SYN3: variants seen among roughly 807,000 people sequenced by gnomAD.
SYN3 encodes the protein synapsin-3.
Under a neutral mutation model 65.8 loss-of-function variants are expected in SYN3, and 35 were observed. The observed-to-expected ratio is 0.53, with a 90% confidence interval of 0.41 to 0.70. SYN3 has a LOEUF of 0.70. Among genes scored for constraint, SYN3 ranks in the 30% least tolerant of loss-of-function variants. The probability of loss-of-function intolerance (pLI) is 0.00; values close to 1 mark genes in which losing one functional copy is unlikely to be tolerated. For missense variants in SYN3, 680 were observed against 749.0 expected, an observed-to-expected ratio of 0.91 and a Z score of 1.08; for synonymous variants, 270 against 292.9, an observed-to-expected ratio of 0.92 and a Z score of 0.80.
chr22:32,980,196 G>T (rs1274464373), intron 3 of SYN3, among the ~76,000 whole-genome samples: 1 of 152,124 alleles, frequency 6.6e-6, no homozygotes, highest in African/African-American at 2.4e-5. Context: ...GGAAATCAAG[G>T]CAGAGAGAGA....
At chr22:32,603,520 T>C (rs1601736188) in intron 6 of SYN3, among the ~76,000 whole-genome samples, 1 of 131,614 alleles carries the variant, frequency 7.6e-6, no homozygotes, top group Admixed American at 7.7e-5. Flanking sequence ...ACTCCGAGAC[T>C]CCGTCTCAAA....
intron 12 of SYN3, chr22:32,527,603 GA>G (rs130455): frequency 0.36 from 62,589 of 174,594 alleles, 8,358 homozygotes; most frequent in African/African-American, 0.52. Context: ...TGTCTCAAAA[GA>G]AAAAAAAAAA....
intron 1 of SYN3, among the ~76,000 whole-genome samples, chr22:33,028,352 C>G (rs1031913588): frequency 6.6e-6 from 1 of 152,232 alleles, no homozygotes; most frequent in African/African-American, 2.4e-5. Context: ...CCGAAGCCAT[C>G]TGTGGGGAAT....
chr22:32,834,548 G>A (rs975960048), intron 6 of SYN3, among the ~76,000 whole-genome samples: 1 of 152,210 alleles, frequency 6.6e-6, no homozygotes, highest in East Asian at 1.9e-4. Flanking sequence ...GCAAAACCCT[G>A]CCAGCTTTCA....
chr22:32,685,431 T>C (rs2060577077), intron 6 of SYN3, among the ~76,000 whole-genome samples: 1 of 152,204 alleles, frequency 6.6e-6, no homozygotes, highest in Admixed American at 6.5e-5. Context: ...GAACCGCATA[T>C]ACAACAGTGG....
At chr22:32,578,032 G>A (rs1294449270) in intron 7 of SYN3, among the ~76,000 whole-genome samples, 1 of 152,218 alleles carries the variant, frequency 6.6e-6, no homozygotes, top group Non-Finnish European at 1.5e-5. Context: ...ACTTGATTGT[G>A]TTTGATATTG....
At chr22:32,597,892 C>T (rs2059224897) in intron 6 of SYN3, among the ~76,000 whole-genome samples, 1 of 152,210 alleles carries the variant, frequency 6.6e-6, no homozygotes, top group Non-Finnish European at 1.5e-5. Context: ...AGACTGTATA[C>T]TTCCCCACAC....
rs1018309767 is a variant in SYN3 at position 33,028,807 on chromosome 22, A to G, written c.-162-21983T>C. ...TGTAATCCCAGCACTTTGGGAGGCC[A>G]AGGCGGGTGGATCACGAGGTCAGGA... On this transcript the variant is annotated intron_variant, in intron 1 of 13. Coordinates refer to ENST00000358763, the MANE Select transcript of SYN3 (RefSeq NM_003490.4). 2.0e-4 allele frequency among the ~76,000 whole-genome samples: 31 copies of G among 152,128 alleles called. 1 individual carries two copies. The highest frequency in any genetic ancestry group is 7.5e-4 in the African/African-American group (31 of 41,524).
rs1569124540 is a variant in SYN3, at chr22:32,650,231, CT to C, written c.712-53496del. On this transcript the variant is annotated intron_variant, in intron 6 of 13. Transcript: ENST00000358763. ...CACTTTTCTTTCTCTCTCTCTCTCT[CT>C]CCCTCCCTCCCTCCCTCCCTCCCTC... Among the ~76,000 whole-genome samples the C allele has an allele frequency of 1.1e-4, 9 of 81,754 alleles. 1 individual carries two copies. The highest frequency in any genetic ancestry group is 4.2e-4 in the South Asian group (1 of 2,384). 53.6% of individuals were successfully genotyped at this position (81,754 alleles called of 152,430 possible).
chr22:32,684,823 A>G (rs1359709058), intron 6 of SYN3, among the ~76,000 whole-genome samples: 1 of 152,210 alleles, frequency 6.6e-6, no homozygotes, highest in Non-Finnish European at 1.5e-5. Context: ...AATTACTAGC[A>G]GTGTGACCGT....
intron 6 of SYN3, among the ~76,000 whole-genome samples, chr22:32,608,234 A>AT (rs953344921): frequency 4.6e-5 from 7 of 151,866 alleles, no homozygotes; most frequent in African/African-American, 1.2e-4. Flanking sequence ...CGCCCAGCTA[A>AT]TTTTTTTGTA....
At chr22:32,903,744 C>A (rs1269526061) in intron 4 of SYN3, among the ~76,000 whole-genome samples, 1 of 152,246 alleles carries the variant, frequency 6.6e-6, no homozygotes, top group East Asian at 1.9e-4. Flanking sequence ...TAAAACCCTT[C>A]CTGTGTTCCA....
At chr22:32,808,212 A>T (rs1460864990) in intron 6 of SYN3, among the ~76,000 whole-genome samples, 4 of 152,136 alleles carry the variant, frequency 2.6e-5, no homozygotes, top group African/African-American at 9.7e-5. Context: ...ACTTACATGG[A>T]CTCAGGTTCA....
intron 3 of SYN3, among the ~76,000 whole-genome samples, chr22:32,953,892 T>G (rs978960874): frequency 2.0e-5 from 3 of 152,130 alleles, no homozygotes; most frequent in Non-Finnish European, 4.4e-5. Flanking sequence ...GAGTCAAGTT[T>G]GAGAAAAATC....
intron 6 of SYN3, chr22:32,857,171 T>C (rs2048392779): frequency 9.2e-7 from 1 of 1,088,326 alleles, no homozygotes; most frequent in Non-Finnish European, 1.4e-6. Context: ...TTTGGATACA[T>C]ACCCAGCAGT....
intron 7 of SYN3, among the ~76,000 whole-genome samples, chr22:32,546,916 C>T (rs1361364073): frequency 2.9e-5 from 4 of 138,846 alleles, no homozygotes; most frequent in African/African-American, 5.6e-5. Context: ...CCTTCTCACT[C>T]TCTCCTCCCT....
intron 7 of SYN3, among the ~76,000 whole-genome samples, chr22:32,554,791 G>C (rs187246485): frequency 3.5e-4 from 53 of 152,246 alleles, no homozygotes; most frequent in Admixed American, 1.1e-3. Context: ...CCCTTCTCTA[G>C]AAGTAAAATT....
At chr22:32,689,760 C>T (rs1258978925) in intron 6 of SYN3, among the ~76,000 whole-genome samples, 1 of 152,116 alleles carries the variant, frequency 6.6e-6, no homozygotes, top group Non-Finnish European at 1.5e-5. Context: ...TTTATGCCCT[C>T]TCAATAGTCA....
chr22:33,002,598 C>T (rs1053322120), intron 2 of SYN3, among the ~76,000 whole-genome samples: 3 of 152,048 alleles, frequency 2.0e-5, no homozygotes, highest in South Asian at 2.1e-4. Flanking sequence ...AAGCTGAGAT[C>T]GTGCCACTGC....
Sources: gnomAD v4.1 joint callset for allele counts (sites outside exome capture counted in the v4.1 genomes callset) on GRCh38, gnomAD v4.1.1 for gene constraint, MANE v1.5 for transcripts, NCBI Gene and HGNC (gene_info 2026-07-23, HGNC 2026-07-21) for gene names.